CSMD1: variants seen among roughly 807,000 people sequenced by gnomAD.
CSMD1 encodes CUB and sushi domain-containing protein 1.
Under a neutral mutation model 417.5 loss-of-function variants are expected in CSMD1, and 213 were observed. That is an observed-to-expected ratio of 0.51 (90% CI 0.46 to 0.57). The LOEUF (loss-of-function observed/expected upper bound fraction) is 0.57. Among genes scored for constraint, CSMD1 ranks in the 20% least tolerant of loss-of-function variants. The probability of loss-of-function intolerance (pLI) is 0.00; values close to 1 mark genes in which losing one functional copy is unlikely to be tolerated. For missense variants in CSMD1, 6,923 were observed against 4,529.7 expected (o/e 1.53, Z -15.17); for synonymous variants, 2,862 against 1,736.8 (o/e 1.65, Z -16.11).
At chr8:3,781,648 G>T (rs1488561299) in intron 5 of CSMD1, among the ~76,000 whole-genome samples, 1 of 152,220 alleles carries the variant, frequency 6.6e-6, no homozygotes, top group Non-Finnish European at 1.5e-5. Context: ...GATTGTCCCT[G>T]TGATGTGAAT....
chr8:4,807,814 C>T (rs1798677632), intron 1 of CSMD1, among the ~76,000 whole-genome samples: 1 of 152,028 alleles, frequency 6.6e-6, no homozygotes, highest in South Asian at 2.1e-4. Flanking sequence ...TAGAAGCCAG[C>T]CATAATATTA....
chr8:4,818,570 T>A (rs1053277968), intron 1 of CSMD1, among the ~76,000 whole-genome samples: 1 of 152,174 alleles, frequency 6.6e-6, no homozygotes, highest in Non-Finnish European at 1.5e-5. Flanking sequence ...CATGTGCACA[T>A]ATATTTCCCT....
chr8:3,521,523 G>A (rs530536816), intron 10 of CSMD1, among the ~76,000 whole-genome samples: 24 of 152,126 alleles, frequency 1.6e-4, no homozygotes, highest in Non-Finnish European at 2.9e-4. Context: ...TGATCTGCCT[G>A]AGTATCTTAT....
intron 37 of CSMD1, among the ~76,000 whole-genome samples, chr8:3,174,654 C>T (rs763774223): frequency 5.3e-5 from 8 of 152,238 alleles, no homozygotes; most frequent in East Asian, 1.9e-4. Context: ...AAGATAATTA[C>T]GTAAGTAAAT....
At chr8:4,282,010 C>T (rs946703417) in intron 3 of CSMD1, among the ~76,000 whole-genome samples, 1 of 152,204 alleles carries the variant, frequency 6.6e-6, no homozygotes, top group Non-Finnish European at 1.5e-5. Context: ...AATTCATGTT[C>T]TCTTGAGATG....
At chr8:3,446,537 T>C (rs1479834363) in intron 12 of CSMD1, among the ~76,000 whole-genome samples, 2 of 152,152 alleles carry the variant, frequency 1.3e-5, no homozygotes, top group African/African-American at 4.8e-5. Context: ...AACTCAAGGA[T>C]AGAGTGCAGG....
chr8:3,719,264 A>T (rs1426320277), intron 6 of CSMD1, among the ~76,000 whole-genome samples: 1 of 152,066 alleles, frequency 6.6e-6, no homozygotes, highest in Non-Finnish European at 1.5e-5. Flanking sequence ...TTTTTACAAA[A>T]ACCCCAGTTT....
At chr8:4,071,939 C>T (rs529424822) in intron 3 of CSMD1, among the ~76,000 whole-genome samples, 1 of 152,166 alleles carries the variant, frequency 6.6e-6, no homozygotes, top group Admixed American at 6.5e-5. Flanking sequence ...GCAGAACCTG[C>T]AGCCACAGTG....
intron 3 of CSMD1, among the ~76,000 whole-genome samples, chr8:4,313,250 TTCAG>T (rs1798729881): frequency 6.6e-6 from 1 of 152,072 alleles, no homozygotes; most frequent in Non-Finnish European, 1.5e-5. Context: ...TGGCTAAATT[TTCAG>T]TCACTTTCCT....
rs900549989 is a variant in CSMD1 at position 4,032,109 on chromosome 8, A to C, written c.416-10T>G. The C allele has an allele frequency of 6.3e-7, 1 of 1,582,974 alleles. No homozygotes were observed. The highest frequency in any genetic ancestry group is 1.1e-5 in the South Asian group (1 of 87,372). On this transcript the variant is annotated splice_polypyrimidine_tract_variant and intron_variant, in intron 3 of 69. Transcript: ENST00000635120. ...GTGTGGCTAGGTAAAACTATTGGAAAAAGAAAAGAAAGGAGAAAAAACAAG... is the reference window on the plus strand; with the variant it reads ...GTGTGGCTAGGTAAAACTATTGGAACAAGAAAAGAAAGGAGAAAAAACAAG...
intron 5 of CSMD1, among the ~76,000 whole-genome samples, chr8:3,801,710 T>G (rs2129072807): frequency 6.6e-6 from 1 of 152,176 alleles, no homozygotes; most frequent in South Asian, 2.1e-4. Flanking sequence ...ATCCAAAATA[T>G]GGAAACAATT....
chr8:3,994,824 C>G (rs1030597412), intron 5 of CSMD1, among the ~76,000 whole-genome samples: 2 of 152,170 alleles, frequency 1.3e-5, no homozygotes, highest in Admixed American at 1.3e-4. Flanking sequence ...GAAAATAAGG[C>G]TAATCCTATT....
intron 1 of CSMD1, among the ~76,000 whole-genome samples, chr8:4,948,568 T>C (rs1178488895): frequency 2.6e-5 from 4 of 152,086 alleles, no homozygotes; most frequent in African/African-American, 9.6e-5. Flanking sequence ...TTATTCATAG[T>C]ACCTTTATGT....
At chr8:3,022,657 G>A (rs1345845470) in intron 51 of CSMD1, among the ~76,000 whole-genome samples, 1 of 148,678 alleles carries the variant, frequency 6.7e-6, no homozygotes, top group Non-Finnish European at 1.5e-5. Context: ...TCAAGAGTAG[G>A]TCTTTTCAAA....
chr8:3,802,393 T>C (rs1200336845), intron 5 of CSMD1, among the ~76,000 whole-genome samples: 1 of 152,182 alleles, frequency 6.6e-6, no homozygotes, highest in Non-Finnish European at 1.5e-5. Flanking sequence ...AAAGGGACAA[T>C]GTTGCATCAT....
chr8:3,264,991 A>C (rs1238687162), intron 26 of CSMD1, among the ~76,000 whole-genome samples: 1 of 152,206 alleles, frequency 6.6e-6, no homozygotes, highest in Non-Finnish European at 1.5e-5. Flanking sequence ...TCTGCACCCC[A>C]GCTGTATTTT....
intron 3 of CSMD1, among the ~76,000 whole-genome samples, chr8:4,291,397 A>G (rs1051643745): frequency 6.6e-6 from 1 of 152,182 alleles, no homozygotes; most frequent in African/African-American, 2.4e-5. Flanking sequence ...CATGTAAAGT[A>G]AATCTCCATA....
intron 1 of CSMD1, among the ~76,000 whole-genome samples, chr8:4,854,072 C>T (rs1801645200): frequency 6.6e-6 from 1 of 152,242 alleles, no homozygotes; most frequent in Non-Finnish European, 1.5e-5. Context: ...GGAACGAACT[C>T]ATCTCCAGAA....
Position 3,504,978 on chromosome 8 carries a change from G to T in CSMD1, c.1345-11252C>A, listed in dbSNP as rs530254239. Among the ~76,000 whole-genome samples, 33 of 151,116 alleles carry T rather than the reference G, an allele frequency of 2.2e-4. 1 individual carries two copies. In the South Asian group the frequency reaches 6.7e-3, roughly 31 times the overall value. ...CAACAAAGATTAACCAGTGCACCAG[G>T]GAAAGTAAGCAAACAAAACAGTGAT... is the stretch of plus-strand genomic sequence containing the variant. On this transcript the variant is annotated intron_variant, in intron 10 of 69. Coordinates refer to ENST00000635120, the MANE Select transcript of CSMD1 (RefSeq NM_033225.6).
Sources: allele counts gnomAD v4.1 joint callset (sites outside exome capture counted in the v4.1 genomes callset), GRCh38; gene constraint gnomAD v4.1.1; transcripts MANE v1.5; gene names NCBI Gene and HGNC (gene_info 2026-07-23, HGNC 2026-07-21).